FIP1L1: variants seen among roughly 807,000 people sequenced by gnomAD.
FIP1L1 encodes the protein factor interacting with PAPOLA and CPSF1.
A neutral mutation model predicts 84.6 loss-of-function variants in FIP1L1; 21 were observed. That is an observed-to-expected ratio of 0.25 (90% CI 0.18 to 0.36). The LOEUF (loss-of-function observed/expected upper bound fraction) is 0.36. Among genes scored for constraint, FIP1L1 ranks in the 10% least tolerant of loss-of-function variants. The pLI is 1.00. For synonymous variants in FIP1L1, 263 were observed against 242.3 expected (o/e 1.09, Z -0.80); for missense variants, 526 against 751.1 (o/e 0.70, Z 3.50).
intron 11 of FIP1L1, among the ~76,000 whole-genome samples, chr4:53,421,833 A>C (rs1762533338): frequency 2.0e-5 from 3 of 152,222 alleles, no homozygotes; most frequent in African/African-American, 7.2e-5. Context: ...TTTGCCTGGA[A>C]ATTGCATCTA....
Position 53,377,717 on chromosome 4 carries a change from C to T in FIP1L1, c.-122C>T, listed in dbSNP as rs1560474155. The T allele has an allele frequency of 5.6e-6, 5 of 899,978 alleles. No homozygotes were observed. The highest frequency in any genetic ancestry group is 3.1e-5 in the Admixed American group (1 of 31,822). The allele number at this position is 899,978 out of a possible 1,614,324, so 55.7% of individuals were successfully genotyped here. A position where few individuals can be genotyped will look rare whatever the true frequency, so the allele number is the denominator to read the frequency against. On this transcript the variant is annotated 5_prime_UTR_variant, in exon 1 of 18. It introduces an in-frame stop codon into an upstream open reading frame of the 5' UTR. Coordinates refer to ENST00000337488, the MANE Select transcript of FIP1L1 (RefSeq NM_030917.4). ...CGTCGCCTTCCTGGGATTGGAGTCT[C>T]GAGCTTTCTTCGTTCGTTCGTCGGC...
At chr4:53,443,981 G>A in intron 14 of FIP1L1, 67 bp from the exon 15 acceptor site, 2 of 1,095,564 alleles carry the variant, frequency 1.8e-6, no homozygotes, top group Non-Finnish European at 2.7e-6. Context: ...TTTTCCTTTT[G>A]TACTACATTA....
intron 11 of FIP1L1, among the ~76,000 whole-genome samples, chr4:53,425,115 T>C (rs1427987467): frequency 6.6e-6 from 1 of 152,156 alleles, no homozygotes; most frequent in East Asian, 1.9e-4. Flanking sequence ...CATCCACTTT[T>C]CATTGCCTAT....
At chr4:53,385,111 C>T (rs191205501) in intron 5 of FIP1L1, among the ~76,000 whole-genome samples, 7 of 152,168 alleles carry the variant, frequency 4.6e-5, no homozygotes, top group African/African-American at 1.4e-4. Context: ...TAAATGTGCT[C>T]CTCATTCTCA....
chr4:53,387,245 T>C (rs1275310198), intron 5 of FIP1L1, among the ~76,000 whole-genome samples: 2 of 152,324 alleles, frequency 1.3e-5, no homozygotes, highest in East Asian at 3.9e-4. Context: ...GGAGGATTGC[T>C]TGAGCCTTGG....
chr4:53,439,936 TGA>T (rs1218553335), intron 13 of FIP1L1, among the ~76,000 whole-genome samples: 3 of 151,990 alleles, frequency 2.0e-5, no homozygotes, highest in Non-Finnish European at 2.9e-5. Context: ...AAATAATGAG[TGA>T]GAGTCACTCA....
At chr4:53,381,227 A>T (rs1285451294) in intron 3 of FIP1L1, among the ~76,000 whole-genome samples, 1 of 152,222 alleles carries the variant, frequency 6.6e-6, no homozygotes, top group African/African-American at 2.4e-5. Flanking sequence ...TATTGAAGAA[A>T]GGTACTCTGC....
chr4:53,443,034 T>G (rs2150242662), intron 14 of FIP1L1, among the ~76,000 whole-genome samples: 1 of 152,248 alleles, frequency 6.6e-6, no homozygotes, highest in South Asian at 2.1e-4. Flanking sequence ...CTGGAAATCA[T>G]GAATAATACA....
At chr4:53,436,882 G>C (rs1769457986) in intron 13 of FIP1L1, among the ~76,000 whole-genome samples, 1 of 152,058 alleles carries the variant, frequency 6.6e-6, no homozygotes, top group Non-Finnish European at 1.5e-5. Context: ...ACATTTAAGT[G>C]TATGTGTTAT....
intron 11 of FIP1L1, among the ~76,000 whole-genome samples, chr4:53,417,776 CT>C (rs1760414836): frequency 9.7e-5 from 1 of 10,288 alleles, no homozygotes; most frequent in East Asian, 4.0e-3. Context: ...CTCTCTCTCT[CT>C]CTCTCTCTCT....
chr4:53,408,322 C>A (rs546065063), intron 10 of FIP1L1, among the ~76,000 whole-genome samples: 100 of 152,216 alleles, frequency 6.6e-4, no homozygotes, highest in African/African-American at 2.3e-3. Flanking sequence ...GAATATTGGC[C>A]CCCACTCTCT....
At chr4:53,442,600 T>G (rs1772446359) in intron 13 of FIP1L1, 53 bp from the exon 14 acceptor site, 59 of 1,247,594 alleles carry the variant, frequency 4.7e-5, no homozygotes, top group Non-Finnish European at 6.0e-5. Flanking sequence ...GTTTCACTCT[T>G]GACATTAAGT....
intron 5 of FIP1L1, among the ~76,000 whole-genome samples, chr4:53,387,362 G>T (rs1288979517): frequency 6.6e-6 from 1 of 152,122 alleles, no homozygotes; most frequent in Non-Finnish European, 1.5e-5. Flanking sequence ...GAGATAAAGG[G>T]CTCAGTGACT....
chr4:53,421,425 C>G (rs1174563463), intron 11 of FIP1L1, among the ~76,000 whole-genome samples: 1 of 152,178 alleles, frequency 6.6e-6, no homozygotes, highest in Non-Finnish European at 1.5e-5. Context: ...TCATAGTTGT[C>G]CCTCCATCTG....
intron 1 of FIP1L1, 32 bp from the exon 2 acceptor site, chr4:53,379,041 A>T: frequency 6.2e-7 from 1 of 1,604,458 alleles, no homozygotes; most frequent in Non-Finnish European, 8.5e-7. Flanking sequence ...TTAAGTAATT[A>T]TAAGGTGATC....
intron 5 of FIP1L1, among the ~76,000 whole-genome samples, chr4:53,387,764 G>C (rs1741901609): frequency 6.6e-6 from 1 of 152,192 alleles, no homozygotes; most frequent in African/African-American, 2.4e-5. Context: ...GAACAGTTTA[G>C]AGAAAATCCT....
chr4:53,418,740 T>C (rs1010866819), intron 11 of FIP1L1, among the ~76,000 whole-genome samples: 2 of 152,236 alleles, frequency 1.3e-5, no homozygotes, highest in Non-Finnish European at 2.9e-5. Context: ...ATTCATACTC[T>C]TGAATGAATA....
intron 9 of FIP1L1, among the ~76,000 whole-genome samples, chr4:53,397,064 AATGTTT>A (rs1747795694): frequency 6.6e-6 from 1 of 152,222 alleles, no homozygotes; most frequent in African/African-American, 2.4e-5. Flanking sequence ...CCGATGAAAG[AATGTTT>A]ATGTGCAGAA....
chr4:53,410,344 C>T (rs1756536536), intron 10 of FIP1L1, among the ~76,000 whole-genome samples: 2 of 152,350 alleles, frequency 1.3e-5, no homozygotes, highest in East Asian at 1.9e-4. Context: ...AGTTCTTCGA[C>T]AGCTTCTCGT....
Sources: allele counts gnomAD v4.1 joint callset (sites outside exome capture counted in the v4.1 genomes callset), GRCh38; gene constraint gnomAD v4.1.1; transcripts MANE v1.5; gene names NCBI Gene and HGNC (gene_info 2026-07-23, HGNC 2026-07-21).